SHROOM3: variants seen among roughly 807,000 people sequenced by gnomAD.
SHROOM3 encodes shroom family member 3, also known as protein Shroom3.
A neutral mutation model predicts 138.6 loss-of-function variants in SHROOM3; 47 were observed. That is an observed-to-expected ratio of 0.34 (90% confidence interval 0.27 to 0.43). The LOEUF is 0.43. Among genes scored for constraint, SHROOM3 ranks in the 20% least tolerant of loss-of-function variants. The pLI is 1.00. For missense variants in SHROOM3, 2,491 were observed against 2,596.5 expected, an observed-to-expected ratio of 0.96 and a Z score of 0.88; for synonymous variants, 1,062 against 1,063.3, an observed-to-expected ratio of 1.00 and a Z score of 0.02.
At chr4:76,655,476 G>C (rs1381572683) in intron 2 of SHROOM3, among the ~76,000 whole-genome samples, 1 of 152,184 alleles carries the variant, frequency 6.6e-6, no homozygotes, top group Non-Finnish European at 1.5e-5. Context: ...GACCAAGAAA[G>C]ACTGTTGGGC....
At chr4:76,679,500 C>T (rs183072043) in intron 2 of SHROOM3, among the ~76,000 whole-genome samples, 1 of 152,148 alleles carries the variant, frequency 6.6e-6, no homozygotes, top group Non-Finnish European at 1.5e-5. Context: ...CTTCCCCTTC[C>T]TCATAGCTCC....
At chr4:76,743,978 G>A (rs1024713585) in intron 5 of SHROOM3, among the ~76,000 whole-genome samples, 5 of 152,146 alleles carry the variant, frequency 3.3e-5, no homozygotes, top group Admixed American at 6.5e-5. Context: ...AAATGCTTAG[G>A]TGAAAACCAA....
At chr4:76,580,728 C>G (rs72661413) in intron 2 of SHROOM3, among the ~76,000 whole-genome samples, 12,174 of 152,158 alleles carry the variant, frequency 0.08, 533 homozygotes, top group East Asian at 0.17. Context: ...ACCCCGCCAA[C>G]TTTGGGCAAG....
chr4:76,471,127 T>G (rs550727354), intron 1 of SHROOM3, among the ~76,000 whole-genome samples: 12 of 152,278 alleles, frequency 7.9e-5, no homozygotes, highest in African/African-American at 2.2e-4. Context: ...GGTAAATTTC[T>G]TGATGAAAGA....
intron 4 of SHROOM3, among the ~76,000 whole-genome samples, chr4:76,735,312 G>A (rs1046627122): frequency 4.6e-5 from 7 of 152,102 alleles, no homozygotes; most frequent in Admixed American, 1.3e-4. Flanking sequence ...GACAGCAGTG[G>A]AAGAACTTGT....
intron 1 of SHROOM3, among the ~76,000 whole-genome samples, chr4:76,539,842 T>C (rs759920268): frequency 3.9e-5 from 6 of 152,218 alleles, no homozygotes; most frequent in Non-Finnish European, 8.8e-5. Context: ...TACCAGTTAC[T>C]GCTCAGGTAT....
intron 2 of SHROOM3, among the ~76,000 whole-genome samples, chr4:76,618,893 T>C (rs376162889): frequency 2.0e-5 from 3 of 152,252 alleles, no homozygotes; most frequent in South Asian, 4.1e-4. Flanking sequence ...TGATTTTTTC[T>C]TGAGACGAAG....
At chr4:76,729,198 G>A (rs2110127627) in intron 3 of SHROOM3, among the ~76,000 whole-genome samples, 1 of 152,252 alleles carries the variant, frequency 6.6e-6, no homozygotes, top group East Asian at 1.9e-4. Context: ...ATTTACCTGA[G>A]ATCTAAAAGC....
At chr4:76,748,815 T>C (rs1721530235) in intron 5 of SHROOM3, among the ~76,000 whole-genome samples, 2 of 71,798 alleles carry the variant, frequency 2.8e-5, no homozygotes, top group Admixed American at 1.2e-4. Context: ...CTGACTCTGC[T>C]TTTTTTTTTT....
At chr4:76,529,786 G>A (rs978213858) in intron 1 of SHROOM3, among the ~76,000 whole-genome samples, 9 of 152,158 alleles carry the variant, frequency 5.9e-5, no homozygotes, top group African/African-American at 2.2e-4. Flanking sequence ...TTTGCTTCCA[G>A]TCCAGCGAAG....
chr4:76,505,012 T>C (rs1732181182), intron 1 of SHROOM3, among the ~76,000 whole-genome samples: 1 of 152,232 alleles, frequency 6.6e-6, no homozygotes, highest in Non-Finnish European at 1.5e-5. Context: ...CTACAATTAC[T>C]TCAACATTTG....
chr4:76,761,820 C>T lies in SHROOM3; in HGVS notation c.5349+2125C>T, dbSNP rs146140961. 2.1e-3 allele frequency among the ~76,000 whole-genome samples: 321 copies of T among 152,298 alleles called. 1 individual carries two copies. The highest frequency in any genetic ancestry group is 7.4e-3 in the African/African-American group (309 of 41,556). ...ACGGGCTTAGGAAGACAAAACCCCA[C>T]TCAGGGTGGAAGAGATCTTAGGGAG... is the stretch of plus-strand genomic sequence containing the variant. On this transcript the variant is annotated intron_variant, in intron 9 of 10. Transcript: ENST00000296043.
chr4:76,737,660 G>GT (rs78361856), intron 4 of SHROOM3, among the ~76,000 whole-genome samples: 68,591 of 151,852 alleles, frequency 0.45, 16,060 homozygotes, highest in Middle Eastern at 0.58. Flanking sequence ...TTGTTTGGTT[G>GT]TTTTTTGTTT....
intron 1 of SHROOM3, among the ~76,000 whole-genome samples, chr4:76,512,342 A>T (rs1732354526): frequency 6.6e-6 from 1 of 152,156 alleles, no homozygotes; most frequent in South Asian, 2.1e-4. Flanking sequence ...GAGAGGAAGG[A>T]GGGCAGGTTA....
At chr4:76,628,304 T>G (rs1459307961) in intron 2 of SHROOM3, among the ~76,000 whole-genome samples, 2 of 152,192 alleles carry the variant, frequency 1.3e-5, no homozygotes, top group African/African-American at 4.8e-5. Flanking sequence ...TTTCCCTGTT[T>G]CTGAAATCCT....
intron 1 of SHROOM3, among the ~76,000 whole-genome samples, chr4:76,515,309 C>A (rs946774105): frequency 2.0e-5 from 3 of 151,558 alleles, no homozygotes; most frequent in African/African-American, 7.3e-5. Context: ...TCAGTTGAGT[C>A]CAGGAGGTTG....
At chr4:76,496,186 T>C (rs1731965075) in intron 1 of SHROOM3, among the ~76,000 whole-genome samples, 1 of 152,120 alleles carries the variant, frequency 6.6e-6, no homozygotes, top group Non-Finnish European at 1.5e-5. Flanking sequence ...GGTGTGTGAG[T>C]GAATTGGAGG....
At chr4:76,715,042 C>T (rs1720333399) in intron 3 of SHROOM3, among the ~76,000 whole-genome samples, 3 of 152,092 alleles carry the variant, frequency 2.0e-5, no homozygotes, top group African/African-American at 7.2e-5. Context: ...TCTTAGGAGT[C>T]TTATAAATGT....
chr4:76,765,708 C>T (rs1189344008), intron 9 of SHROOM3, among the ~76,000 whole-genome samples: 1 of 152,104 alleles, frequency 6.6e-6, no homozygotes, highest in Admixed American at 6.5e-5. Flanking sequence ...AGCGGTGTGT[C>T]ATCTTCAAAT....
Sources: allele counts gnomAD v4.1 joint callset (sites outside exome capture counted in the v4.1 genomes callset), GRCh38; gene constraint gnomAD v4.1.1; transcripts MANE v1.5; gene names NCBI Gene and HGNC (gene_info 2026-07-23, HGNC 2026-07-21).